GRM7: variants seen among roughly 807,000 people sequenced by gnomAD.
GRM7 encodes metabotropic glutamate receptor 7.
Under a neutral mutation model 84.5 loss-of-function variants are expected in GRM7, and 35 were observed. That is an observed-to-expected ratio of 0.41 (90% CI 0.32 to 0.55). The LOEUF is 0.55. GRM7 is among the 20% of genes least tolerant of loss of function. The pLI is 0.19. For synonymous variants in GRM7, 487 were observed against 455.1 expected (o/e 1.07, Z -0.89); for missense variants, 1,003 against 1,194.6 (o/e 0.84, Z 2.36).
At chr3:7,265,263 T>A (rs1330624148) in intron 2 of GRM7, among the ~76,000 whole-genome samples, 1 of 152,258 alleles carries the variant, frequency 6.6e-6, no homozygotes, top group African/African-American at 2.4e-5. Flanking sequence ...GACTTGACTT[T>A]AAGGTAATTG....
chr3:7,229,726 C>CATATATATATATATAT (rs1162837346), intron 2 of GRM7, among the ~76,000 whole-genome samples: 1 of 28,596 alleles, frequency 3.5e-5, no homozygotes. Flanking sequence ...TAGACACACA[C>CATATATATATATATAT]ATATATATAT....
At chr3:7,377,210 G>T (rs985797809) in intron 4 of GRM7, among the ~76,000 whole-genome samples, 1 of 148,430 alleles carries the variant, frequency 6.7e-6, no homozygotes, top group Non-Finnish European at 1.5e-5. Context: ...TATTGGCTGG[G>T]TTCCTAATAT....
intron 7 of GRM7, among the ~76,000 whole-genome samples, chr3:7,469,274 A>C (rs1311895055): frequency 6.6e-6 from 1 of 152,178 alleles, no homozygotes; most frequent in Non-Finnish European, 1.5e-5. Context: ...TGGTTTACCA[A>C]ATAGGTTCCT....
At chr3:7,338,970 A>G (rs1701532144) in intron 4 of GRM7, among the ~76,000 whole-genome samples, 1 of 151,844 alleles carries the variant, frequency 6.6e-6, no homozygotes, top group Non-Finnish European at 1.5e-5. Context: ...ACCTGGCATC[A>G]GCACCTGACA....
chr3:7,412,881 A>G (rs1696001798), intron 4 of GRM7, among the ~76,000 whole-genome samples: 1 of 152,034 alleles, frequency 6.6e-6, no homozygotes, highest in South Asian at 2.1e-4. Context: ...CTTGGTTTAT[A>G]TTTAAATACC....
At chr3:7,401,023 C>T (rs891659198) in intron 4 of GRM7, among the ~76,000 whole-genome samples, 7 of 151,926 alleles carry the variant, frequency 4.6e-5, no homozygotes, top group African/African-American at 1.7e-4. Context: ...CTTATCTACC[C>T]TCAAACATTG....
At chr3:7,453,363 C>T (rs909879583) in intron 6 of GRM7, among the ~76,000 whole-genome samples, 4 of 152,086 alleles carry the variant, frequency 2.6e-5, no homozygotes, top group South Asian at 4.1e-4. Context: ...GACTCTTCCC[C>T]TTGCCACTTG....
chr3:7,428,857 T>G (rs1696715897), intron 5 of GRM7, among the ~76,000 whole-genome samples: 1 of 152,214 alleles, frequency 6.6e-6, no homozygotes, highest in Admixed American at 6.5e-5. Flanking sequence ...TTTTCTTCAT[T>G]AAAATATTAT....
intron 1 of GRM7, among the ~76,000 whole-genome samples, chr3:6,981,843 C>T (rs917275484): frequency 3.3e-5 from 5 of 152,106 alleles, no homozygotes; most frequent in Non-Finnish European, 1.5e-5. Flanking sequence ...CACTTATACA[C>T]TACTGGTGGG....
chr3:7,012,774 C>T (rs1432543335), intron 1 of GRM7, among the ~76,000 whole-genome samples: 1 of 152,194 alleles, frequency 6.6e-6, no homozygotes, highest in Non-Finnish European at 1.5e-5. Flanking sequence ...CAGGTTCTCA[C>T]TCTGTTACCC....
chr3:7,127,945 C>T lies in GRM7; in HGVS notation c.520-18507C>T, dbSNP rs147147818. Reference sequence around the variant, plus strand: ...GATCAGAATGAAAAGTAGACCTTTTCTGTGGCATAATAGTGCCAGCCTGGG... The same window carrying T: ...GATCAGAATGAAAAGTAGACCTTTTTTGTGGCATAATAGTGCCAGCCTGGG... On this transcript the variant is annotated intron_variant, in intron 1 of 9. Coordinates refer to ENST00000357716, the MANE Select transcript of GRM7 (RefSeq NM_000844.4). Among the ~76,000 whole-genome samples the T allele has an allele frequency of 6.6e-3, 1,003 of 152,120 alleles. 29 individuals carry two copies. The highest frequency in any genetic ancestry group is 0.059 in the Admixed American group (905 of 15,264).
At chr3:7,491,159 A>G (rs1699503559) in intron 7 of GRM7, among the ~76,000 whole-genome samples, 1 of 151,886 alleles carries the variant, frequency 6.6e-6, no homozygotes, top group African/African-American at 2.4e-5. Context: ...GCTTTTTATT[A>G]TATTCCTAAA....
In GRM7 at chr3:6,969,582, A is replaced by G. The variant is rs549313993; in HGVS notation, c.519+107675A>G. On this transcript the variant is annotated intron_variant, in intron 1 of 9. Transcript: ENST00000357716. ...CAGGTTCCAAAATCTGTGTTTCGTGACCTAGCACAGTAGCGCCTTAATGAA... is the reference window on the plus strand; with the variant it reads ...CAGGTTCCAAAATCTGTGTTTCGTGGCCTAGCACAGTAGCGCCTTAATGAA... Among the ~76,000 whole-genome samples the G allele has an allele frequency of 3.9e-5, 6 of 152,308 alleles. No individual in the cohort carries two copies. The East Asian group carries it at 1.2e-3, about 29-fold the overall frequency.
chr3:7,717,570 C>G (rs182136978), intron 9 of GRM7, among the ~76,000 whole-genome samples: 1 of 152,128 alleles, frequency 6.6e-6, no homozygotes, highest in Non-Finnish European at 1.5e-5. Context: ...AAACGGAAAC[C>G]TGGATTCAAA....
chr3:7,675,901 A>G (rs1471740856), intron 8 of GRM7, among the ~76,000 whole-genome samples: 2 of 152,178 alleles, frequency 1.3e-5, no homozygotes, highest in African/African-American at 4.8e-5. Flanking sequence ...ACTTCTTCGT[A>G]ATGACCACAT....
intron 8 of GRM7, among the ~76,000 whole-genome samples, chr3:7,618,046 T>C (rs1697184738): frequency 6.6e-6 from 1 of 152,096 alleles, no homozygotes; most frequent in African/African-American, 2.4e-5. Context: ...TAGAAATACC[T>C]ATAGCACAGA....
rs773128459 is a variant in GRM7 at position 7,579,339 on chromosome 3, C to T, written c.2433C>T (p.Thr811=). 6.9e-5 allele frequency: 107 copies of T among 1,556,002 alleles called. No homozygotes were observed. Among genetic ancestry groups the T allele is most frequent in the Admixed American group, 4.0e-4 (21 of 52,876 alleles). The change falls in exon 8 of 10, where the codon ACC becomes ACT. Residue 811 remains threonine (T), a synonymous_variant. Coordinates refer to ENST00000357716, the MANE Select transcript of GRM7 (RefSeq NM_000844.4). ...CCTTCATTCCAATTTTTTTTGGCAC[C>T]GCTCAATCAGCGGAAAAGGTAAGTG... ...WLAFIPIFFG[T]AQSAEKLYIQ... is the part of the protein sequence containing the mutation.
At chr3:7,211,769 C>T (rs528688084) in intron 2 of GRM7, among the ~76,000 whole-genome samples, 5 of 151,848 alleles carry the variant, frequency 3.3e-5, no homozygotes, top group African/African-American at 4.8e-5. Context: ...GGGTTCACAT[C>T]GGACTTAATG....
At chr3:7,489,901 ATAT>A (rs1339452730) in intron 7 of GRM7, among the ~76,000 whole-genome samples, 1 of 151,714 alleles carries the variant, frequency 6.6e-6, no homozygotes, top group Non-Finnish European at 1.5e-5. Context: ...TTAATTTATG[ATAT>A]TATATACCAT....
Sources: gnomAD v4.1 joint callset for allele counts (sites outside exome capture counted in the v4.1 genomes callset) on GRCh38, gnomAD v4.1.1 for gene constraint, MANE v1.5 for transcripts, NCBI Gene and HGNC (gene_info 2026-07-23, HGNC 2026-07-21) for gene names.